CTNND2: variants seen among roughly 807,000 people sequenced by gnomAD.
The protein encoded by CTNND2 is catenin delta 2.
In CTNND2, 22 loss-of-function variants were observed where a neutral mutation model predicts 144.4. That is an observed-to-expected ratio of 0.15 (90% confidence interval 0.11 to 0.22). The LOEUF (loss-of-function observed/expected upper bound fraction) is 0.22. Ranked by LOEUF, CTNND2 falls within the 10% of genes least tolerant of loss-of-function variation. The pLI is 1.00. For synonymous variants in CTNND2, 751 were observed against 695.6 expected (o/e 1.08, Z -1.25); for missense variants, 1,353 against 1,618.8 (o/e 0.84, Z 2.82).
At chr5:11,300,928 T>C (rs1216042890) in intron 9 of CTNND2, among the ~76,000 whole-genome samples, 1 of 152,058 alleles carries the variant, frequency 6.6e-6, no homozygotes, top group Non-Finnish European at 1.5e-5. Context: ...AATCTGACAC[T>C]GATGGGGAAG....
At chr5:11,800,168 G>A (rs902655642) in intron 1 of CTNND2, among the ~76,000 whole-genome samples, 5 of 152,144 alleles carry the variant, frequency 3.3e-5, no homozygotes, top group African/African-American at 4.8e-5. Context: ...TAAGTGTTGA[G>A]AAAATATTTG....
intron 2 of CTNND2, among the ~76,000 whole-genome samples, chr5:11,642,381 G>A (rs1782112773): frequency 6.6e-6 from 1 of 152,208 alleles, no homozygotes; most frequent in South Asian, 2.1e-4. Context: ...CATAGAACAA[G>A]GGGGTTGCAA....
At chr5:11,753,737 G>T (rs1185478639) in intron 1 of CTNND2, among the ~76,000 whole-genome samples, 5 of 151,848 alleles carry the variant, frequency 3.3e-5, no homozygotes, top group African/African-American at 1.2e-4. Context: ...AATAGTTTCA[G>T]TAGGATTGGT....
At chr5:11,146,533 T>C (rs910547342) in intron 12 of CTNND2, among the ~76,000 whole-genome samples, 2 of 152,224 alleles carry the variant, frequency 1.3e-5, no homozygotes, top group Non-Finnish European at 2.9e-5. Context: ...TAATATATCA[T>C]TTATGATGCT....
At chr5:11,562,165 T>C (rs1162386126) in intron 3 of CTNND2, among the ~76,000 whole-genome samples, 1 of 152,226 alleles carries the variant, frequency 6.6e-6, no homozygotes, top group Non-Finnish European at 1.5e-5. Context: ...TATACAAATA[T>C]GTCTGGCAGT....
At chr5:11,834,346 AT>A (rs1228306363) in intron 1 of CTNND2, among the ~76,000 whole-genome samples, 1 of 152,210 alleles carries the variant, frequency 6.6e-6, no homozygotes, top group African/African-American at 2.4e-5. Flanking sequence ...TTTTCTATGC[AT>A]TCTAATTTTT....
intron 1 of CTNND2, among the ~76,000 whole-genome samples, chr5:11,870,431 G>A (rs1361817327): frequency 6.6e-6 from 1 of 152,166 alleles, no homozygotes; most frequent in African/African-American, 2.4e-5. Context: ...CAGTTAAGAT[G>A]GAATGACAGG....
chr5:11,395,946 C>T (rs1319440558), intron 6 of CTNND2, among the ~76,000 whole-genome samples: 1 of 152,156 alleles, frequency 6.6e-6, no homozygotes, highest in Non-Finnish European at 1.5e-5. Context: ...GCTCCTGATA[C>T]AAACATGAAA....
intron 2 of CTNND2, among the ~76,000 whole-genome samples, chr5:11,659,210 T>G (rs1783061012): frequency 6.6e-6 from 1 of 152,112 alleles, no homozygotes; most frequent in African/African-American, 2.4e-5. Flanking sequence ...GTATTTACAT[T>G]GTATTAGGTA....
At chr5:11,893,291 T>C (rs1737130444) in intron 1 of CTNND2, among the ~76,000 whole-genome samples, 1 of 152,222 alleles carries the variant, frequency 6.6e-6, no homozygotes, top group Admixed American at 6.5e-5. Flanking sequence ...TGGAAATCCA[T>C]GTTTGAAAAG....
chr5:10,994,945 G>A (rs1333808446), intron 18 of CTNND2, among the ~76,000 whole-genome samples: 1 of 152,066 alleles, frequency 6.6e-6, no homozygotes, highest in Non-Finnish European at 1.5e-5. Flanking sequence ...AAGCCTTACC[G>A]CAGTGCTTCT....
At chr5:11,115,831 G>A (rs61753328) in intron 13 of CTNND2, among the ~76,000 whole-genome samples, 200 of 152,322 alleles carry the variant, frequency 1.3e-3, no homozygotes, top group African/African-American at 4.7e-3. Context: ...TGGGGAGTAA[G>A]GCTCAGGCAT....
At chr5:11,883,987 A>G (rs1482957434) in intron 1 of CTNND2, among the ~76,000 whole-genome samples, 1 of 152,168 alleles carries the variant, frequency 6.6e-6, no homozygotes, top group Non-Finnish European at 1.5e-5. Flanking sequence ...TCTTTTGAGA[A>G]GTGTCTGTTC....
At chr5:11,257,979 T>C (rs940471486) in intron 9 of CTNND2, among the ~76,000 whole-genome samples, 7 of 152,216 alleles carry the variant, frequency 4.6e-5, no homozygotes, top group Non-Finnish European at 1.0e-4. Flanking sequence ...GGAATAGAGC[T>C]GGTGCAGCGC....
intron 1 of CTNND2, among the ~76,000 whole-genome samples, chr5:11,757,493 G>A (rs1581833900): frequency 6.6e-6 from 1 of 151,972 alleles, no homozygotes; most frequent in East Asian, 1.9e-4. Flanking sequence ...TGAATTTGCT[G>A]TGTCTAAGAA....
intron 16 of CTNND2, among the ~76,000 whole-genome samples, chr5:11,068,417 T>C (rs983861750): frequency 6.6e-6 from 1 of 152,256 alleles, no homozygotes; most frequent in Non-Finnish European, 1.5e-5. Context: ...GTTCTATTTT[T>C]ATAAGTTTGT....
chr5:11,501,341 C>A (rs1263598216), intron 3 of CTNND2, among the ~76,000 whole-genome samples: 1 of 152,198 alleles, frequency 6.6e-6, no homozygotes, highest in Non-Finnish European at 1.5e-5. Flanking sequence ...CAGATATGAT[C>A]CCTACTCCTG....
At chr5:11,321,047 A>G (rs1338424351) in intron 9 of CTNND2, among the ~76,000 whole-genome samples, 1 of 152,160 alleles carries the variant, frequency 6.6e-6, no homozygotes, top group African/African-American at 2.4e-5. Flanking sequence ...TTTTTTCTCA[A>G]ATAAATGCAG....
intron 11 of CTNND2, among the ~76,000 whole-genome samples, chr5:11,177,721 T>C (rs940511596): frequency 6.6e-6 from 1 of 152,148 alleles, no homozygotes; most frequent in African/African-American, 2.4e-5. Flanking sequence ...GAAATTTATA[T>C]CATCCATCTA....
Sources: allele counts gnomAD v4.1 joint callset (sites outside exome capture counted in the v4.1 genomes callset), GRCh38; gene constraint gnomAD v4.1.1; transcripts MANE v1.5; gene names NCBI Gene and HGNC (gene_info 2026-07-23, HGNC 2026-07-21).